LEF1: variants seen among roughly 807,000 people sequenced by gnomAD.
LEF1 encodes lymphoid enhancer binding factor 1.
A neutral mutation model predicts 51.2 loss-of-function variants in LEF1; 14 were observed. That is an observed-to-expected ratio of 0.27 (90% CI 0.18 to 0.43). LEF1 has a LOEUF of 0.43. LEF1 is among the 20% of genes least tolerant of loss of function. The probability of loss-of-function intolerance (pLI) is 1.00; values close to 1 mark genes in which losing one functional copy is unlikely to be tolerated. For synonymous variants in LEF1, 185 were observed against 183.2 expected (o/e 1.01, Z -0.08); for missense variants, 386 against 512.0 (o/e 0.75, Z 2.37).
chr4:108,081,296 C>G (rs1283636539), intron 6 of LEF1, among the ~76,000 whole-genome samples: 1 of 152,146 alleles, frequency 6.6e-6, no homozygotes, highest in African/African-American at 2.4e-5. Context: ...GCTTTCCGGA[C>G]AGTTCCCATC....
At chr4:108,059,849 G>A (rs1002934249) in intron 11 of LEF1, among the ~76,000 whole-genome samples, 4 of 152,066 alleles carry the variant, frequency 2.6e-5, no homozygotes, top group East Asian at 1.9e-4. Context: ...ACACACCACC[G>A]CACGCAGCTA....
At chr4:108,116,476 T>G (rs1741848479) in intron 3 of LEF1, among the ~76,000 whole-genome samples, 1 of 152,198 alleles carries the variant, frequency 6.6e-6, no homozygotes, top group South Asian at 2.1e-4. Flanking sequence ...AAGCTGTGAT[T>G]GCACCACTGT....
chr4:108,143,105 A>G (rs1239318507), intron 3 of LEF1, among the ~76,000 whole-genome samples: 1 of 152,194 alleles, frequency 6.6e-6, no homozygotes, highest in African/African-American at 2.4e-5. Context: ...GTTTGAAAGG[A>G]TTTTGAATCA....
chr4:108,068,153 G>C (rs890558665), intron 9 of LEF1, among the ~76,000 whole-genome samples: 2 of 151,518 alleles, frequency 1.3e-5, no homozygotes, highest in Non-Finnish European at 2.9e-5. Flanking sequence ...TGTAATCCCA[G>C]TTACTCGGAA....
chr4:108,099,614 ATAT>A (rs1226065368), intron 3 of LEF1, among the ~76,000 whole-genome samples: 12 of 124,726 alleles, frequency 9.6e-5, no homozygotes, highest in African/African-American at 3.5e-4. Context: ...ATATATATAT[ATAT>A]AAATAATACT....
intron 9 of LEF1, among the ~76,000 whole-genome samples, chr4:108,065,182 C>T (rs1431271803): frequency 1.3e-5 from 2 of 152,180 alleles, no homozygotes; most frequent in Non-Finnish European, 2.9e-5. Context: ...TTCATAACTA[C>T]TTTGTCCTCA....
intron 3 of LEF1, among the ~76,000 whole-genome samples, chr4:108,156,768 C>T (rs75260271): frequency 0.042 from 6,426 of 151,348 alleles, 164 homozygotes; most frequent in Non-Finnish European, 0.062. Context: ...TTAGTAAAAA[C>T]GCAAATATCA....
chr4:108,167,977 C>A lies in LEF1; in HGVS notation c.-210G>T. 1 of 244,854 alleles carries A rather than the reference C, an allele frequency of 4.1e-6. No homozygotes were observed. The highest frequency in any genetic ancestry group is 7.6e-6 in the Non-Finnish European group (1 of 130,838). 15.2% of individuals were successfully genotyped at this position (244,854 alleles called of 1,614,324 possible). On this transcript the variant is annotated 5_prime_UTR_variant, in exon 1 of 12. Transcript: ENST00000265165. This position sits in a 1 kb window ranked among gnomAD's most constrained non-coding sequence, Gnocchi z 5.7. ...CGCCCGAATCCCGGCGGCCGCCGCG[C>A]TTTCCCGCTTCGCGGAGACCGACGC...
chr4:108,066,671 T>C (rs150842115), intron 9 of LEF1, among the ~76,000 whole-genome samples: 18 of 152,230 alleles, frequency 1.2e-4, no homozygotes, highest in South Asian at 2.1e-4. Context: ...ACATTTATGA[T>C]AGGCAAAGAG....
At chr4:108,073,356 G>A (rs1256695446) in intron 8 of LEF1, among the ~76,000 whole-genome samples, 2 of 152,166 alleles carry the variant, frequency 1.3e-5, no homozygotes, top group Admixed American at 1.3e-4. Flanking sequence ...CTGCACTCCA[G>A]CCTGGGTGAT....
rs1162000209 is a variant in LEF1 at position 108,157,168 on chromosome 4, C to CTA, written c.414+6398_414+6399dup. Among the ~76,000 whole-genome samples the CTA allele has an allele frequency of 6.3e-3, 849 of 133,768 alleles. 4 individuals are homozygous for CTA. Among genetic ancestry groups the CTA allele is most frequent in the Middle Eastern group, 0.029 (7 of 238 alleles). The allele number at this position is 133,768 out of a possible 152,430, so 87.8% of individuals were successfully genotyped here. ...CTTCATTCTCTCTCTCTCTCTCTCT[C>CTA]TATATATATATACACACACACACAC... On this transcript the variant is annotated intron_variant, in intron 3 of 11. Transcript: ENST00000265165.
Position 108,167,659 on chromosome 4 carries a change from T to C in LEF1, c.109A>G (p.Ile37Val), listed in dbSNP as rs1393797341. Reference sequence around the variant, plus strand: ...TCGGGATGACTGATCTCGGCGAAGATCTTTTCCTTCTGAGGATCGCCCTCG... The same window carrying C: ...TCGGGATGACTGATCTCGGCGAAGACCTTTTCCTTCTGAGGATCGCCCTCG... Reference protein sequence around the residue: ...KDEGDPQKEKIFAEISHPEEE... With the variant: ...KDEGDPQKEKVFAEISHPEEE... Residue 37 changes from isoleucine (I) to valine (V), a missense_variant, in exon 1 of 12, where the codon ATC (isoleucine) becomes GTC (valine). This residue lies in a region of LEF1 where 335 missense variants were observed against 390.7 expected (regional missense o/e 0.86). Coordinates refer to ENST00000265165, the MANE Select transcript of LEF1 (RefSeq NM_016269.5). The surrounding 1 kb of genome is among the most constrained non-coding windows in gnomAD (Gnocchi z 5.7). The C allele has an allele frequency of 3.7e-6, 6 of 1,614,186 alleles. No individual in the cohort carries two copies. The South Asian group carries it at 6.6e-5, about 18-fold the overall frequency.
Position 108,161,832 on chromosome 4 carries a change from A to G in LEF1, c.414+1736T>C, listed in dbSNP as rs573150646. 8.1e-4 allele frequency among the ~76,000 whole-genome samples: 124 copies of G among 152,220 alleles called. No individual in the cohort carries two copies. In the Middle Eastern group the frequency reaches 0.01, roughly 13 times the overall value. ...TAAGGCTGTTTTGTGGCTATTTTCT[A>G]TTGTCACCAACACTACTTTGATTTG... On this transcript the variant is annotated intron_variant, in intron 3 of 11. Transcript: ENST00000265165.
chr4:108,092,338 T>A (rs1278096168), intron 3 of LEF1, among the ~76,000 whole-genome samples: 1 of 152,212 alleles, frequency 6.6e-6, no homozygotes, highest in Non-Finnish European at 1.5e-5. Context: ...AATATGAAAT[T>A]TCAATAGCAT....
At chr4:108,068,032 C>T (rs1738199123) in intron 9 of LEF1, among the ~76,000 whole-genome samples, 1 of 151,928 alleles carries the variant, frequency 6.6e-6, no homozygotes, top group Admixed American at 6.6e-5. Context: ...CTTTGAGAGG[C>T]TGAGGCAGGC....
intron 9 of LEF1, among the ~76,000 whole-genome samples, chr4:108,067,532 C>CAT: frequency 7.2e-6 from 1 of 139,290 alleles, no homozygotes; most frequent in Non-Finnish European, 1.6e-5. Context: ...TTAGAAGATC[C>CAT]TTTTTTTTTT....
At chr4:108,122,090 A>G (rs1742213985) in intron 3 of LEF1, among the ~76,000 whole-genome samples, 1 of 152,210 alleles carries the variant, frequency 6.6e-6, no homozygotes, top group African/African-American at 2.4e-5. Flanking sequence ...AGCAGCTCAT[A>G]TAACCCATTT....
At position 108,048,838 on chromosome 4, in the gene LEF1, TA is replaced by T. The variant is rs1162997418; in HGVS notation, c.*7-88del. 1.2e-5 allele frequency: 10 copies of T among 824,466 alleles called. No homozygotes were observed. The African/African-American group carries it at 1.7e-4, about 14-fold the overall frequency. 51.1% of individuals were successfully genotyped at this position (824,466 alleles called of 1,614,324 possible). A position where few individuals can be genotyped will look rare whatever the true frequency, so the allele number is the denominator to read the frequency against. The stretch of plus-strand genomic sequence containing the variant: ...CCTCTATTCCATACCATATATGTCT[TA>T]CAACCTCTGCATTTAATTAATCCAT... On this transcript the variant is annotated intron_variant, in intron 11 of 11. Coordinates refer to ENST00000265165, the MANE Select transcript of LEF1 (RefSeq NM_016269.5).
At chr4:108,104,835 G>A (rs777488953) in intron 3 of LEF1, 2 of 198,986 alleles carry the variant, frequency 1.0e-5, no homozygotes, top group Non-Finnish European at 1.8e-5. Flanking sequence ...GGGGCATGCC[G>A]GTGAACTGAC....
Sources: gnomAD v4.1 joint callset for allele counts (sites outside exome capture counted in the v4.1 genomes callset) on GRCh38, gnomAD v4.1.1 for gene constraint, gnomAD v4.1.1 regional missense constraint, Gnocchi (gnomAD v3.1) non-coding constraint, MANE v1.5 for transcripts, NCBI Gene and HGNC (gene_info 2026-07-23, HGNC 2026-07-21) for gene names.